PTBP1: variants seen among roughly 807,000 people sequenced by gnomAD.
PTBP1 encodes the protein polypyrimidine tract binding protein 1, also known as polypyrimidine tract-binding protein 1.
PTBP1 carries 8 observed loss-of-function variants against 59.8 expected under a neutral mutation model. The ratio of observed to expected loss-of-function variants is 0.13; its 90% CI spans 0.08 to 0.24. The LOEUF is 0.24. PTBP1 is among the 10% of genes least tolerant of loss of function. PTBP1 has a pLI of 1.00. For synonymous variants in PTBP1, 490 were observed against 320.7 expected (o/e 1.53, Z -5.64); for missense variants, 686 against 767.0 (o/e 0.89, Z 1.25).
chr19:803,818 A>C (rs766850838), intron 3 of PTBP1, among the ~76,000 whole-genome samples, 182 bp downstream of exon 3: 2 of 152,172 alleles, frequency 1.3e-5, no homozygotes, highest in African/African-American at 2.4e-5. Context: ...TGGATGGTCC[A>C]GGCTGGCACT....
chr19:801,667 G>A (rs34900774), intron 2 of PTBP1, among the ~76,000 whole-genome samples: 10 of 152,234 alleles, frequency 6.6e-5, no homozygotes, highest in Admixed American at 1.3e-4. Flanking sequence ...GAGCTGGAGG[G>A]GAGAGCAGAC....
rs773552510 is a variant in PTBP1 at position 808,782 on chromosome 19, G to T, written c.1463+20G>T. 1 of 1,537,164 alleles carries T rather than the reference G, an allele frequency of 6.5e-7. No individual in the cohort carries two copies. The highest frequency in any genetic ancestry group is 8.9e-7 in the Non-Finnish European group (1 of 1,120,390). ...CATCCCGTGAGTGCTGGGCCGGGGGGCTCATGGGGCCGGGGGCGGGCAAGG... is the reference window on the plus strand; with the variant it reads ...CATCCCGTGAGTGCTGGGCCGGGGGTCTCATGGGGCCGGGGGCGGGCAAGG... On this transcript the variant is annotated intron_variant, in intron 13 of 14. Coordinates refer to ENST00000356948, the MANE Select transcript of PTBP1 (RefSeq NM_002819.5). This position sits in a 1 kb window ranked among gnomAD's most constrained non-coding sequence, Gnocchi z 4.7.
In PTBP1 at chr19:804,894, C is replaced by A. The variant is rs201780487; in HGVS notation, c.672C>A (p.Ala224=). The A allele has an allele frequency of 6.2e-6, 10 of 1,613,976 alleles. No homozygotes were observed. Among genetic ancestry groups the A allele is most frequent in the Non-Finnish European group, 8.5e-7 (1 of 1,179,918 alleles). The part of the protein sequence containing the change: ...ITFTKNNQFQ[A]LLQYADPVSA... The stretch of plus-strand genomic sequence containing the variant: ...TCACCAAGAACAACCAGTTCCAGGC[C>A]CTGCTGCAGTATGCGGACCCCGTGA... The change falls in exon 7 of 15, where the codon GCC becomes GCA. Residue 224 remains alanine (A), a synonymous_variant. Coordinates refer to ENST00000356948, the MANE Select transcript of PTBP1 (RefSeq NM_002819.5).
In PTBP1 at chr19:808,252, C is replaced by T. The variant is rs767163044; in HGVS notation, c.1154-108C>T. ...CTCCGCAGTGGCCGATAAAGCAAAC[C>T]CGGCCGGGCTGAGCCGGGCCTTGTG... On this transcript the variant is annotated intron_variant, in intron 11 of 14. Coordinates refer to ENST00000356948, the MANE Select transcript of PTBP1 (RefSeq NM_002819.5). The surrounding 1 kb of genome is among the most constrained non-coding windows in gnomAD (Gnocchi z 4.7). The T allele has an allele frequency of 5.2e-6, 5 of 959,794 alleles. No homozygotes were observed. Among genetic ancestry groups the T allele is most frequent in the Admixed American group, 4.4e-5 (2 of 45,482 alleles). The allele number at this position is 959,794 out of a possible 1,614,324, so 59.5% of individuals were successfully genotyped here.
At chr19:801,463 G>A (rs1308031036) in intron 2 of PTBP1, among the ~76,000 whole-genome samples, 3 of 152,258 alleles carry the variant, frequency 2.0e-5, no homozygotes, top group African/African-American at 4.8e-5. Flanking sequence ...GCTTCAGGCA[G>A]GCGGCCAAGA....
intron 13 of PTBP1, among the ~76,000 whole-genome samples, chr19:809,534 A>G (rs1320380133): frequency 2.0e-5 from 3 of 149,708 alleles, no homozygotes; most frequent in Non-Finnish European, 4.5e-5. Flanking sequence ...GTTAGCCAGG[A>G]TGGTGTCGAT....
intron 1 of PTBP1, among the ~76,000 whole-genome samples, chr19:797,832 C>T (rs1378247897): frequency 6.7e-6 from 1 of 148,760 alleles, no homozygotes; most frequent in Non-Finnish European, 1.5e-5. Context: ...GCGGCCCTTC[C>T]CGCTTCCCGT....
At chr19:797,633 T>G in intron 1 of PTBP1, 128 bp downstream of exon 1, 14 of 496,432 alleles carry the variant, frequency 2.8e-5, no homozygotes, top group Admixed American at 5.0e-5. Flanking sequence ...GGCTCTCCCC[T>G]TCCTCTCCGC....
chr19:806,367 G>A lies in PTBP1; in HGVS notation c.971-41G>A, dbSNP rs751896146. On this transcript the variant is annotated intron_variant, in intron 9 of 14. Coordinates refer to ENST00000356948, the MANE Select transcript of PTBP1 (RefSeq NM_002819.5). ...TCGGCCTCTCCCACTCTGCGGTGGA[G>A]TCGGGGGCGCCGCCGCTCATCTCAC... 2.5e-6 allele frequency: 4 copies of A among 1,569,622 alleles called. No individual in the cohort carries two copies. The East Asian group carries it at 7.3e-5, about 29-fold the overall frequency.
At position 810,679 on chromosome 19, in the gene PTBP1, C is replaced by G. The variant is rs767908001; in HGVS notation, c.1542-15C>G. The G allele has an allele frequency of 3.7e-6, 6 of 1,611,794 alleles. No homozygotes were observed. In the Admixed American group the frequency reaches 6.7e-5, roughly 18 times the overall value. ...CAGGCTGCCCTGCGGCCGGCCCTGA[C>G]CCCCTGTCTTGCAGGAAGGACCGCA... On this transcript the variant is annotated splice_polypyrimidine_tract_variant and intron_variant, in intron 14 of 14. Transcript: ENST00000356948.
intron 9 of PTBP1, 72 bp from the exon 10 acceptor site, chr19:806,336 G>A (rs1355890798): frequency 6.8e-7 from 1 of 1,474,918 alleles, no homozygotes; most frequent in Non-Finnish European, 9.0e-7. Flanking sequence ...ATGAGGACGG[G>A]GAGCGTCGGC....
intron 13 of PTBP1, among the ~76,000 whole-genome samples, chr19:809,422 C>T (rs774661028): frequency 1.2e-4 from 18 of 151,988 alleles, no homozygotes; most frequent in Non-Finnish European, 2.4e-4. Flanking sequence ...GTTCATGCCA[C>T]TCTGCTGCCT....
At chr19:797,557 GCCC>G in intron 1 of PTBP1, 52 bp downstream of exon 1, 2 of 1,308,794 alleles carry the variant, frequency 1.5e-6, no homozygotes, top group Non-Finnish European at 2.0e-6. Flanking sequence ...CCGCAGCCCT[GCCC>G]CCGCCGCCGC....
chr19:805,772 T>C, intron 9 of PTBP1: 1 of 585,640 alleles, frequency 1.7e-6, no homozygotes, highest in Non-Finnish European at 3.0e-6. Flanking sequence ...GGCCCACGTG[T>C]GGACGGCGCC....
At chr19:805,749 A>G in intron 9 of PTBP1, 180 bp downstream of exon 9, 1 of 625,444 alleles carries the variant, frequency 1.6e-6, no homozygotes, top group Non-Finnish European at 2.8e-6. Context: ...CAGTGGTAGG[A>G]CAGGGCTGTG....
At position 804,425 on chromosome 19, in the gene PTBP1, C is replaced by T; in HGVS notation, c.422C>T (p.Ser141Phe). Reference protein sequence around the residue: ...SNHKELKTDSSPNQARAQAAL... With the variant: ...SNHKELKTDSFPNQARAQAAL... ...CACAAGGAGCTGAAGACCGACAGCTCTCCCAACCAGGCGGTGCGTGGCCCC... is the reference window on the plus strand; with the variant it reads ...CACAAGGAGCTGAAGACCGACAGCTTTCCCAACCAGGCGGTGCGTGGCCCC... Residue 141 changes from serine (S) to phenylalanine (F), a missense_variant, in exon 5 of 15, where the codon TCT becomes TTT. By Grantham distance (155) the Ser-to-Phe change is radical. Transcript: ENST00000356948. 6.2e-7 allele frequency: 1 copy of T among 1,611,512 alleles called. No individual in the cohort carries two copies. The highest frequency in any genetic ancestry group is 8.5e-7 in the Non-Finnish European group (1 of 1,179,988).
Position 810,628 on chromosome 19 carries a change from T to A in PTBP1, c.1541+8T>A. On this transcript the variant is annotated splice_region_variant and intron_variant, in intron 14 of 14. Transcript: ENST00000356948. ...AGGATTCAAGTTCTTCCAGTGAGTA[T>A]GAGGCGGGCTGTCCCTGGCTCTCCC... The A allele has an allele frequency of 1.2e-6, 2 of 1,613,206 alleles. No homozygotes were observed.
intron 6 of PTBP1, 51 bp from the exon 7 acceptor site, chr19:804,769 GGGCCTGGCA>G: frequency 6.2e-7 from 1 of 1,608,476 alleles, no homozygotes; most frequent in Non-Finnish European, 8.5e-7. Context: ...CACACGGGAG[GGGCCTGGCA>G]GGGCTGGTGG....
At position 799,317 on chromosome 19, in the gene PTBP1, A is replaced by G. The variant is rs1306896699; in HGVS notation, c.9-96A>G. 3 of 1,130,034 alleles carry G rather than the reference A, an allele frequency of 2.7e-6. No individual in the cohort carries two copies. In the African/African-American group the frequency reaches 4.6e-5, roughly 17 times the overall value. 70.0% of individuals were successfully genotyped at this position (1,130,034 alleles called of 1,614,324 possible). On this transcript the variant is annotated intron_variant, in intron 1 of 14. Coordinates refer to ENST00000356948, the MANE Select transcript of PTBP1 (RefSeq NM_002819.5). Reference sequence around the variant, plus strand: ...GGAGCCCTGCGGAGGTGGCAGCTGCAGGGACCTACGGGCTCTCCTGGCCCG... The same window carrying G: ...GGAGCCCTGCGGAGGTGGCAGCTGCGGGGACCTACGGGCTCTCCTGGCCCG...
Sources: gnomAD v4.1 joint callset for allele counts (sites outside exome capture counted in the v4.1 genomes callset) on GRCh38, gnomAD v4.1.1 for gene constraint, Gnocchi (gnomAD v3.1) non-coding constraint, MANE v1.5 for transcripts, NCBI Gene and HGNC (gene_info 2026-07-23, HGNC 2026-07-21) for gene names.